Variants in SKAP1 observed in about 807,000 individuals in gnomAD.
SKAP1 encodes the protein src kinase-associated phosphoprotein 1.
In SKAP1, 44 loss-of-function variants were observed where a neutral mutation model predicts 58.5. The ratio of observed to expected loss-of-function variants is 0.75; its 90% CI spans 0.59 to 0.97. The LOEUF (loss-of-function observed/expected upper bound fraction) is 0.97. Ranked by LOEUF, SKAP1 falls within the 50% of genes least tolerant of loss-of-function variation. The pLI, the probability that SKAP1 is intolerant of heterozygous loss-of-function variation, is 0.00. For synonymous variants in SKAP1, 127 were observed against 149.7 expected, an observed-to-expected ratio of 0.85 and a Z score of 1.11; for missense variants, 390 against 435.2, an observed-to-expected ratio of 0.90 and a Z score of 0.92.
chr17:48,336,375 T>A (rs1202728187), intron 4 of SKAP1, among the ~76,000 whole-genome samples: 1 of 152,026 alleles, frequency 6.6e-6, no homozygotes, highest in Non-Finnish European at 1.5e-5. Context: ...ATGGAAAATA[T>A]CAAGCAGTGT....
At chr17:48,317,004 T>TCCA (rs2066298036) in intron 4 of SKAP1, among the ~76,000 whole-genome samples, 1 of 152,204 alleles carries the variant, frequency 6.6e-6, no homozygotes, top group African/African-American at 2.4e-5. Flanking sequence ...GTGGCAGGTA[T>TCCA]CCAGCCCCTG....
intron 11 of SKAP1, among the ~76,000 whole-genome samples, chr17:48,161,801 C>T (rs2064073546): frequency 1.3e-5 from 2 of 152,168 alleles, no homozygotes; most frequent in South Asian, 2.1e-4. Flanking sequence ...AATAAGAAGG[C>T]AGCTTACCTA....
chr17:48,279,555 C>T (rs1048004669), intron 4 of SKAP1, among the ~76,000 whole-genome samples: 3 of 152,032 alleles, frequency 2.0e-5, no homozygotes, highest in Non-Finnish European at 2.9e-5. Flanking sequence ...GACCTGTGTC[C>T]AAATGATACA....
At chr17:48,161,613 G>A (rs776718197) in intron 11 of SKAP1, among the ~76,000 whole-genome samples, 32 of 152,286 alleles carry the variant, frequency 2.1e-4, no homozygotes, top group Non-Finnish European at 4.1e-4. Context: ...TTTGTAAGAT[G>A]GTTAGCTGGA....
intron 1 of SKAP1, among the ~76,000 whole-genome samples, chr17:48,397,276 A>C (rs1209453250): frequency 6.6e-6 from 1 of 152,118 alleles, no homozygotes; most frequent in Non-Finnish European, 1.5e-5. Flanking sequence ...CCCAGGTTGG[A>C]GTGCAGTGGC....
intron 4 of SKAP1, among the ~76,000 whole-genome samples, chr17:48,310,688 G>A (rs2066210674): frequency 6.6e-6 from 1 of 151,246 alleles, no homozygotes; most frequent in Admixed American, 6.6e-5. Context: ...CCTCCAAATC[G>A]GAAAATAATA....
At chr17:48,139,032 G>T in intron 11 of SKAP1, among the ~76,000 whole-genome samples, 1 of 151,868 alleles carries the variant, frequency 6.6e-6, no homozygotes, top group Non-Finnish European at 1.5e-5. Context: ...GGGACTACAG[G>T]CTTGCGCCCA....
chr17:48,266,803 C>T (rs1369462067), intron 4 of SKAP1, among the ~76,000 whole-genome samples: 1 of 152,126 alleles, frequency 6.6e-6, no homozygotes, highest in Non-Finnish European at 1.5e-5. Context: ...AGCCACCGTG[C>T]CCGGCCCTGT....
chr17:48,360,534 TA>T (rs1170391880), intron 3 of SKAP1, among the ~76,000 whole-genome samples: 62 of 152,156 alleles, frequency 4.1e-4, no homozygotes, highest in Non-Finnish European at 4.4e-5. Context: ...TAACTTTAAG[TA>T]AAAAATTAAG....
At chr17:48,360,710 G>A (rs978865684) in intron 3 of SKAP1, among the ~76,000 whole-genome samples, 1 of 151,884 alleles carries the variant, frequency 6.6e-6, no homozygotes, top group Non-Finnish European at 1.5e-5. Flanking sequence ...TGTATTCTTT[G>A]GATCATGTTT....
At chr17:48,238,641 G>A (rs554286768) in intron 4 of SKAP1, among the ~76,000 whole-genome samples, 2 of 152,110 alleles carry the variant, frequency 1.3e-5, no homozygotes, top group Non-Finnish European at 2.9e-5. Context: ...CCAAAGTATT[G>A]GGATTACAGG....
intron 11 of SKAP1, among the ~76,000 whole-genome samples, chr17:48,143,649 G>A (rs34206139): frequency 4.1e-3 from 630 of 152,244 alleles, no homozygotes; most frequent in Non-Finnish European, 6.9e-3. Flanking sequence ...CTCTCACATT[G>A]TAACTCGTAA....
At chr17:48,165,403 CT>C (rs1282614907) in intron 10 of SKAP1, among the ~76,000 whole-genome samples, 17 of 41,592 alleles carry the variant, frequency 4.1e-4, no homozygotes, top group African/African-American at 8.3e-4. Context: ...TTCTTTCTTT[CT>C]TTTTTTTTTT....
At chr17:48,383,714 C>CTTT (rs554578193) in intron 2 of SKAP1, among the ~76,000 whole-genome samples, 2 of 111,648 alleles carry the variant, frequency 1.8e-5, no homozygotes, top group East Asian at 2.4e-4. Flanking sequence ...AATCTCTGCC[C>CTTT]TTTTTTTTTT....
rs1434388155 is a variant in SKAP1 at position 48,138,102 on chromosome 17, G to C, written c.979-765C>G. On this transcript the variant is annotated intron_variant, in intron 11 of 12. Transcript: ENST00000336915. ...GAACAAACAAGAAAGAGGATGAGAG[G>C]GTTTTAAAGAGAGTTTAAGGGGTAG... Among the ~76,000 whole-genome samples, 6 of 152,290 alleles carry C rather than the reference G, an allele frequency of 3.9e-5. No individual in the cohort carries two copies. In the South Asian group the frequency reaches 1.2e-3, roughly 32 times the overall value.
chr17:48,356,319 A>G (rs541327714), intron 3 of SKAP1, among the ~76,000 whole-genome samples: 1 of 152,312 alleles, frequency 6.6e-6, no homozygotes, highest in African/African-American at 2.4e-5. Context: ...TGAGTGGGTA[A>G]GAAACTGCTA....
intron 4 of SKAP1, among the ~76,000 whole-genome samples, chr17:48,306,898 G>A (rs372597509): frequency 2.0e-5 from 3 of 152,220 alleles, no homozygotes; most frequent in South Asian, 2.1e-4. Flanking sequence ...TACTCCTTTC[G>A]GATACATCAT....
chr17:48,428,723 C>T (rs1261763639), intron 1 of SKAP1, among the ~76,000 whole-genome samples: 2 of 152,204 alleles, frequency 1.3e-5, no homozygotes, highest in South Asian at 4.1e-4. Flanking sequence ...ACAGTCCCTT[C>T]TTTCCTAGAA....
intron 4 of SKAP1, among the ~76,000 whole-genome samples, chr17:48,236,890 A>G (rs1377227345): frequency 6.6e-6 from 1 of 152,196 alleles, no homozygotes; most frequent in Non-Finnish European, 1.5e-5. Flanking sequence ...AAGTAGTTAC[A>G]TTTCTTACTA....
Sources: allele counts gnomAD v4.1 joint callset (sites outside exome capture counted in the v4.1 genomes callset), GRCh38; gene constraint gnomAD v4.1.1; transcripts MANE v1.5; gene names NCBI Gene and HGNC (gene_info 2026-07-23, HGNC 2026-07-21).